Variants in LRRC72 observed in about 807,000 individuals in gnomAD.
The protein encoded by LRRC72 is leucine rich repeat containing 72, also known as leucine-rich repeat-containing protein 72.
A neutral mutation model predicts 35.8 loss-of-function variants in LRRC72; 41 were observed. That is an observed-to-expected ratio of 1.15 (90% CI 0.89 to 1.49). The LOEUF (loss-of-function observed/expected upper bound fraction) is 1.49, where lower values mean the gene tolerates loss of function less well. LRRC72 is among the 40% of genes most tolerant of loss of function. The pLI, the probability that LRRC72 is intolerant of heterozygous loss-of-function variation, is 0.00. For missense variants in LRRC72, 389 were observed against 330.7 expected, an observed-to-expected ratio of 1.18 and a Z score of -1.37; for synonymous variants, 118 against 119.2, an observed-to-expected ratio of 0.99 and a Z score of 0.07.
chr7:16,558,877 T>C lies in LRRC72; in HGVS notation c.317-12T>C. The C allele has an allele frequency of 7.4e-7, 1 of 1,355,138 alleles. No individual in the cohort carries two copies. The highest frequency in any genetic ancestry group is 9.7e-7 in the Non-Finnish European group (1 of 1,029,646). The allele number at this position is 1,355,138 out of a possible 1,614,324, so 83.9% of individuals were successfully genotyped here. A position where few individuals can be genotyped will look rare whatever the true frequency, so the allele number is the denominator to read the frequency against. On this transcript the variant is annotated splice_polypyrimidine_tract_variant and intron_variant, in intron 4 of 8. Coordinates refer to ENST00000401542, the MANE Select transcript of LRRC72 (RefSeq NM_001195280.2). ...TGTTTAAAATCTTGTAAAAATATTC[T>C]GTTTTTTTTAGGTCTGCATTATTTG... is the stretch of plus-strand genomic sequence containing the variant.
At chr7:16,545,742 T>C (rs1265371808) in intron 3 of LRRC72, among the ~76,000 whole-genome samples, 1 of 152,170 alleles carries the variant, frequency 6.6e-6, no homozygotes, top group Admixed American at 6.5e-5. Context: ...AAAACTTCTT[T>C]AAAAAGCAAA....
At chr7:16,545,279 T>C (rs1782426321) in intron 3 of LRRC72, among the ~76,000 whole-genome samples, 1 of 152,246 alleles carries the variant, frequency 6.6e-6, no homozygotes. Context: ...ATATTGAGAA[T>C]TCAGCAAATA....
chr7:16,538,041 AG>A, intron 3 of LRRC72, among the ~76,000 whole-genome samples: 1 of 152,186 alleles, frequency 6.6e-6, no homozygotes, highest in East Asian at 1.9e-4. Flanking sequence ...CATCTCTCTT[AG>A]GTAATACAAA....
rs1437469345 is a variant in LRRC72, at chr7:16,566,348, T to TA, written c.464dup (p.Tyr155Ter). 1 of 1,546,914 alleles carries TA rather than the reference T, an allele frequency of 6.5e-7. No homozygotes were observed. Among genetic ancestry groups the TA allele is most frequent in the African/African-American group, 1.4e-5 (1 of 72,926 alleles). The change falls in exon 6 of 9, where the codon TAT (tyrosine) becomes TAAT (stop). Residue 155 changes from tyrosine to a stop codon, truncating the protein, a stop_gained and frameshift_variant. Coordinates refer to ENST00000401542, the MANE Select transcript of LRRC72 (RefSeq NM_001195280.2). LOFTEE classifies it high-confidence loss of function. ...YQNPLCQYNL[Y>*]RLYIIYHLPG... is the part of the protein sequence containing the mutation. Reference sequence around the variant, plus strand: ...AAATCCTTTGTGCCAATATAACCTGTATCGTTTATATATCATCTACCACCT... The same window carrying TA: ...AAATCCTTTGTGCCAATATAACCTGTAATCGTTTATATATCATCTACCACCT...
intron 3 of LRRC72, among the ~76,000 whole-genome samples, chr7:16,554,880 T>C (rs1782623448): frequency 6.6e-6 from 1 of 152,210 alleles, no homozygotes; most frequent in South Asian, 2.1e-4. Context: ...TCTCAGCTAA[T>C]GAGTTCTATT....
At chr7:16,570,902 C>T (rs1388051200) in intron 7 of LRRC72, among the ~76,000 whole-genome samples, 1 of 151,938 alleles carries the variant, frequency 6.6e-6, no homozygotes, top group African/African-American at 2.4e-5. Flanking sequence ...AGAATCTAGT[C>T]AAGATTCACA....
intron 7 of LRRC72, among the ~76,000 whole-genome samples, chr7:16,572,876 G>A (rs530781080): frequency 2.0e-5 from 3 of 152,268 alleles, no homozygotes; most frequent in Non-Finnish European, 2.9e-5. Context: ...TCTGCTTGCA[G>A]ATGACATGAT....
At chr7:16,574,490 C>T (rs1783003342) in intron 7 of LRRC72, among the ~76,000 whole-genome samples, 1 of 152,092 alleles carries the variant, frequency 6.6e-6, no homozygotes, top group African/African-American at 2.4e-5. Flanking sequence ...GAGTTCATGT[C>T]CTTTGCAGGG....
chr7:16,535,874 TTTTG>T (rs1336733981), intron 2 of LRRC72, among the ~76,000 whole-genome samples: 2 of 152,204 alleles, frequency 1.3e-5, no homozygotes, highest in Non-Finnish European at 2.9e-5. Flanking sequence ...TTTCTGGTTT[TTTTG>T]TTTGTTTGTT....
chr7:16,572,732 A>T (rs559411549), intron 7 of LRRC72, among the ~76,000 whole-genome samples: 1 of 152,346 alleles, frequency 6.6e-6, no homozygotes, highest in Non-Finnish European at 1.5e-5. Flanking sequence ...ATTCCCTTTG[A>T]AAACTGGCAC....
At chr7:16,577,788 T>A (rs1243424260) in intron 7 of LRRC72, among the ~76,000 whole-genome samples, 1 of 152,184 alleles carries the variant, frequency 6.6e-6, no homozygotes, top group Admixed American at 6.5e-5. Flanking sequence ...ATGTAAATAA[T>A]GATCAGCTTC....
At chr7:16,534,153 T>G (rs1562736773) in intron 2 of LRRC72, among the ~76,000 whole-genome samples, 1 of 152,214 alleles carries the variant, frequency 6.6e-6, no homozygotes. Context: ...TTACCAAGTT[T>G]CTCTTGACTC....
chr7:16,568,076 T>C (rs1250775945), intron 7 of LRRC72, among the ~76,000 whole-genome samples: 1 of 152,082 alleles, frequency 6.6e-6, no homozygotes, highest in Non-Finnish European at 1.5e-5. Context: ...TTCATATTTG[T>C]AACAGAAATG....
At chr7:16,559,365 T>A (rs1427025444) in intron 5 of LRRC72, among the ~76,000 whole-genome samples, 1 of 151,714 alleles carries the variant, frequency 6.6e-6, no homozygotes, top group East Asian at 1.9e-4. Context: ...CTGGACTCTA[T>A]CCTGGGTAAC....
chr7:16,577,058 C>T (rs955895485), intron 7 of LRRC72, among the ~76,000 whole-genome samples: 3 of 152,146 alleles, frequency 2.0e-5, no homozygotes, highest in African/African-American at 7.2e-5. Context: ...ACATTTCTGA[C>T]TTTGGGTAGC....
chr7:16,552,888 C>A (rs1244437061), intron 3 of LRRC72, among the ~76,000 whole-genome samples: 1 of 152,142 alleles, frequency 6.6e-6, no homozygotes, highest in East Asian at 1.9e-4. Context: ...TGGGTCAAAG[C>A]CTACCCAGTT....
At chr7:16,528,223 C>A (rs927136950) in intron 1 of LRRC72, among the ~76,000 whole-genome samples, 4 of 152,106 alleles carry the variant, frequency 2.6e-5, no homozygotes, top group Admixed American at 2.0e-4. Context: ...TGTCTCCTTT[C>A]CATCATGTTT....
chr7:16,557,856 C>A (rs879078196), intron 4 of LRRC72, among the ~76,000 whole-genome samples: 1 of 152,116 alleles, frequency 6.6e-6, no homozygotes, highest in South Asian at 2.1e-4. Flanking sequence ...CAAAACTGAT[C>A]ATTTCAAGCC....
intron 6 of LRRC72, among the ~76,000 whole-genome samples, chr7:16,567,137 G>A (rs897486846): frequency 1.3e-5 from 2 of 152,092 alleles, no homozygotes; most frequent in Admixed American, 6.5e-5. Flanking sequence ...ATCATCCTTG[G>A]TGATGTGTTA....
Sources: allele counts gnomAD v4.1 joint callset (sites outside exome capture counted in the v4.1 genomes callset), GRCh38; gene constraint gnomAD v4.1.1; transcripts MANE v1.5; gene names NCBI Gene and HGNC (gene_info 2026-07-23, HGNC 2026-07-21).